Variants in AGAP1 observed in about 807,000 individuals in gnomAD.
The protein encoded by AGAP1 is arf-GAP with GTPase, ANK repeat and PH domain-containing protein 1.
In AGAP1, 29 loss-of-function variants were observed where a neutral mutation model predicts 105.3. That is an observed-to-expected ratio of 0.28 (90% CI 0.21 to 0.38). AGAP1 has a LOEUF of 0.38. AGAP1 is among the 10% of genes least tolerant of loss of function. The pLI, the probability that AGAP1 is intolerant of heterozygous loss-of-function variation, is 1.00. For missense variants in AGAP1, 998 were observed against 1,165.1 expected, an observed-to-expected ratio of 0.86 and a Z score of 2.09; for synonymous variants, 509 against 485.9, an observed-to-expected ratio of 1.05 and a Z score of -0.63.
At chr2:235,813,686 C>T (rs1575534340) in intron 9 of AGAP1, among the ~76,000 whole-genome samples, 1 of 152,208 alleles carries the variant, frequency 6.6e-6, no homozygotes, top group Non-Finnish European at 1.5e-5. Context: ...GTGTGCTTTT[C>T]GGTTTGGCTG....
intron 2 of AGAP1, among the ~76,000 whole-genome samples, chr2:235,709,627 G>T (rs759153588): frequency 6.6e-5 from 10 of 152,048 alleles, no homozygotes; most frequent in Admixed American, 2.0e-4. Context: ...TTTGTTCTTT[G>T]CAGGATGTCA....
At position 235,936,190 on chromosome 2, in the gene AGAP1, G is replaced by A. The variant is rs1489405886; in HGVS notation, c.1483+5267G>A. ...GCATTTCTTCACGTGACTCTTCCATGTGGCTCTTGAGCCTCACTTCCCTCG... is the reference window on the plus strand; with the variant it reads ...GCATTTCTTCACGTGACTCTTCCATATGGCTCTTGAGCCTCACTTCCCTCG... On this transcript the variant is annotated intron_variant, in intron 12 of 17. Transcript: ENST00000304032. The surrounding 1 kb of genome is among the most constrained non-coding windows in gnomAD (Gnocchi z 4.7). Among the ~76,000 whole-genome samples, 1 of 152,162 alleles carries A rather than the reference G, an allele frequency of 6.6e-6. No individual in the cohort carries two copies. Among genetic ancestry groups the A allele is most frequent in the Non-Finnish European group, 1.5e-5 (1 of 68,048 alleles).
At chr2:236,059,175 A>T (rs1559235242) in intron 16 of AGAP1, among the ~76,000 whole-genome samples, 2 of 152,118 alleles carry the variant, frequency 1.3e-5, no homozygotes, top group Non-Finnish European at 2.9e-5. Flanking sequence ...AAAAAAAAAA[A>T]TTCTATTGTA....
chr2:235,568,956 G>C (rs1037703019), intron 1 of AGAP1, among the ~76,000 whole-genome samples: 1 of 152,086 alleles, frequency 6.6e-6, no homozygotes, highest in African/African-American at 2.4e-5. Context: ...GAACCCACCT[G>C]GATAGTTCAA....
intron 11 of AGAP1, among the ~76,000 whole-genome samples, chr2:235,918,411 C>G (rs2125091587): frequency 6.6e-6 from 1 of 152,328 alleles, no homozygotes; most frequent in South Asian, 2.1e-4. Flanking sequence ...TTTTGTGAGG[C>G]TTCTCAGACA....
Position 235,553,037 on chromosome 2 carries a change from T to A in AGAP1, c.163+58188T>A, listed in dbSNP as rs1462526776. Among the ~76,000 whole-genome samples the A allele has an allele frequency of 6.6e-6, 1 of 152,328 alleles. No homozygotes were observed. The highest frequency in any genetic ancestry group is 2.4e-5 in the African/African-American group (1 of 41,564). ...GTTTTCAGTCAGCTCCCTAGCTGGG[T>A]GGTTCCTCTGAGCCTCTGCTTTATT... is the stretch of plus-strand genomic sequence containing the variant. On this transcript the variant is annotated intron_variant, in intron 1 of 17. Coordinates refer to ENST00000304032, the MANE Select transcript of AGAP1 (RefSeq NM_001037131.3). The surrounding 1 kb of genome is among the most constrained non-coding windows in gnomAD (Gnocchi z 4.5).
chr2:235,943,539 G>A (rs1011192414), intron 12 of AGAP1, among the ~76,000 whole-genome samples: 1 of 151,916 alleles, frequency 6.6e-6, no homozygotes, highest in Non-Finnish European at 1.5e-5. Flanking sequence ...TAGTAGAGAC[G>A]GGGTTTCGCC....
rs145232748 is a variant in AGAP1 at position 235,995,279 on chromosome 2, C to T, written c.1645+26656C>T. Among the ~76,000 whole-genome samples, 1,004 of 151,898 alleles carry T rather than the reference C, an allele frequency of 6.6e-3. 11 individuals carry two copies. The highest frequency in any genetic ancestry group is 0.023 in the African/African-American group (959 of 41,404). On this transcript the variant is annotated intron_variant, in intron 13 of 17. Transcript: ENST00000304032. ...CCTGTAATCCCAACACTTTGGGGAG[C>T]CGAGGTGGGCAGATCACTTGAGATC...
At chr2:235,628,734 C>T (rs377741673) in intron 1 of AGAP1, among the ~76,000 whole-genome samples, 32 of 152,176 alleles carry the variant, frequency 2.1e-4, no homozygotes, top group African/African-American at 6.3e-4. Context: ...AAGCAGTGTA[C>T]ACTGCACCCT....
At chr2:236,047,377 C>T (rs1399593189) in intron 15 of AGAP1, among the ~76,000 whole-genome samples, 1 of 152,072 alleles carries the variant, frequency 6.6e-6, no homozygotes, top group Admixed American at 6.5e-5. Flanking sequence ...CAGCTGTGTG[C>T]CATGCCTCCA....
intron 11 of AGAP1, among the ~76,000 whole-genome samples, chr2:235,923,674 CAG>C (rs2052302056): frequency 6.6e-6 from 1 of 152,180 alleles, no homozygotes; most frequent in African/African-American, 2.4e-5. Context: ...TGGCCCGTGT[CAG>C]TAGTTCCTTG....
At position 235,994,614 on chromosome 2, in the gene AGAP1, G is replaced by A. The variant is rs1395448676; in HGVS notation, c.1645+25991G>A. On this transcript the variant is annotated intron_variant, in intron 13 of 17. Transcript: ENST00000304032. This position sits in a 1 kb window ranked among gnomAD's most constrained non-coding sequence, Gnocchi z 4.4. Reference sequence around the variant, plus strand: ...TCCCTGCATTGTCTTATTCAGTCCCGACTTTCCCAACGCCTCGCAGCCCGA... The same window carrying A: ...TCCCTGCATTGTCTTATTCAGTCCCAACTTTCCCAACGCCTCGCAGCCCGA... 6.6e-6 allele frequency among the ~76,000 whole-genome samples: 1 copy of A among 152,044 alleles called. No homozygotes were observed. Among genetic ancestry groups the A allele is most frequent in the Non-Finnish European group, 1.5e-5 (1 of 68,020 alleles).
chr2:236,059,247 A>T (rs1468948408), intron 16 of AGAP1, among the ~76,000 whole-genome samples: 2 of 152,204 alleles, frequency 1.3e-5, no homozygotes, highest in African/African-American at 2.4e-5. Context: ...CCATTTACAA[A>T]TAGCATCAAA....
At chr2:235,794,124 C>T (rs1377576734) in intron 6 of AGAP1, among the ~76,000 whole-genome samples, 7 of 152,196 alleles carry the variant, frequency 4.6e-5, no homozygotes, top group Admixed American at 4.6e-4. Flanking sequence ...ATTCTCCCTT[C>T]TGACCCCATG....
intron 1 of AGAP1, among the ~76,000 whole-genome samples, chr2:235,686,550 T>TACACACACACACACACACAC (rs530198533): frequency 1.1e-5 from 1 of 90,188 alleles, no homozygotes; most frequent in African/African-American, 5.3e-5. Context: ...GAAGGAGATA[T>TACACACACACACACACACAC]ATATATACAC....
chr2:235,515,619 C>T (rs560936725), intron 1 of AGAP1, among the ~76,000 whole-genome samples: 13 of 152,142 alleles, frequency 8.5e-5, no homozygotes, highest in South Asian at 2.1e-4. Context: ...TGTAATTTTG[C>T]GGAAAAAAGT....
rs910692002 is a variant in AGAP1 at position 235,664,137 on chromosome 2, G to A, written c.164-45042G>A. Among the ~76,000 whole-genome samples the A allele has an allele frequency of 4.6e-5, 7 of 152,202 alleles. No homozygotes were observed. The highest frequency in any genetic ancestry group is 2.0e-4 in the Admixed American group (3 of 15,286). ...AGAACTGGGAGCTGCTGTGTGTGAC[G>A]TGGCTGTTCAGTGTTGTTTGTGTTG... is the stretch of plus-strand genomic sequence containing the variant. On this transcript the variant is annotated intron_variant, in intron 1 of 17. Transcript: ENST00000304032. The surrounding 1 kb of genome is among the most constrained non-coding windows in gnomAD (Gnocchi z 5.7).
At chr2:236,028,030 C>G (rs569142632) in intron 13 of AGAP1, among the ~76,000 whole-genome samples, 1 of 152,136 alleles carries the variant, frequency 6.6e-6, no homozygotes, top group Non-Finnish European at 1.5e-5. Flanking sequence ...GCACGGGACT[C>G]CCCCTCAAGA....
chr2:235,733,402 G>A lies in AGAP1; in HGVS notation c.311-7561G>A, dbSNP rs1336429346. 1.3e-5 allele frequency among the ~76,000 whole-genome samples: 2 copies of A among 152,200 alleles called. No homozygotes were observed. The highest frequency in any genetic ancestry group is 2.9e-5 in the Non-Finnish European group (2 of 68,040). On this transcript the variant is annotated intron_variant, in intron 3 of 17. Transcript: ENST00000304032. The surrounding 1 kb of genome is among the most constrained non-coding windows in gnomAD (Gnocchi z 5.0). The stretch of plus-strand genomic sequence containing the variant: ...TTGGCTCAGGTTGTAGGAGAGATGA[G>A]GAGCCTCCGCCCAGCTCAAATCTTC...
Sources: allele counts gnomAD v4.1 joint callset (sites outside exome capture counted in the v4.1 genomes callset), GRCh38; gene constraint gnomAD v4.1.1; non-coding constraint Gnocchi (gnomAD v3.1); transcripts MANE v1.5; gene names NCBI Gene and HGNC (gene_info 2026-07-23, HGNC 2026-07-21).